Variants in TNFAIP8 observed in about 807,000 individuals in gnomAD.
TNFAIP8 encodes TNF alpha induced protein 8, also known as tumor necrosis factor alpha-induced protein 8.
Under a neutral mutation model 13.3 loss-of-function variants are expected in TNFAIP8, and 7 were observed. The ratio of observed to expected loss-of-function variants is 0.52; its 90% CI spans 0.30 to 0.99. The LOEUF (loss-of-function observed/expected upper bound fraction) is 0.99, where lower values mean the gene tolerates loss of function less well. Among genes scored for constraint, TNFAIP8 ranks in the 50% least tolerant of loss-of-function variants. TNFAIP8 has a pLI of 0.07. For synonymous variants in TNFAIP8, 94 were observed against 87.6 expected (o/e 1.07, Z -0.41); for missense variants, 258 against 236.9 (o/e 1.09, Z -0.58).
chr5:119,395,792 TC>T lies in TNFAIP8; in HGVS notation c.*2415del, dbSNP rs1481702225. 1 of 152,132 alleles carries T rather than the reference TC, an allele frequency of 6.6e-6. No homozygotes were observed. The highest frequency in any genetic ancestry group is 2.4e-5 in the African/African-American group (1 of 41,438). 9.4% of individuals were successfully genotyped at this position (152,132 alleles called of 1,614,324 possible). ...CAAGGAGCGTGGGAGCTGGGAAGAA[TC>T]CCCACGTGCTTAGGGTAGATAAATC... On this transcript the variant is annotated 3_prime_UTR_variant, in exon 2 of 2. Transcript: ENST00000504771.
At chr5:119,285,754 G>C (rs1380763419) in intron 1 of TNFAIP8, among the ~76,000 whole-genome samples, 1 of 152,126 alleles carries the variant, frequency 6.6e-6, no homozygotes, top group African/African-American at 2.4e-5. Flanking sequence ...TCTTAAGAAT[G>C]AACAAAACAA....
At chr5:119,360,465 C>A (rs1751589984) in intron 1 of TNFAIP8, among the ~76,000 whole-genome samples, 1 of 152,120 alleles carries the variant, frequency 6.6e-6, no homozygotes, top group African/African-American at 2.4e-5. Flanking sequence ...ATATGTATAT[C>A]TTTAATGTTT....
intron 1 of TNFAIP8, among the ~76,000 whole-genome samples, chr5:119,279,113 T>G (rs940120712): frequency 6.6e-6 from 1 of 152,230 alleles, no homozygotes; most frequent in African/African-American, 2.4e-5. Context: ...TTATTTAATT[T>G]CATCTTCAGG....
At chr5:119,371,444 C>T (rs1455803857) in intron 1 of TNFAIP8, among the ~76,000 whole-genome samples, 1 of 152,086 alleles carries the variant, frequency 6.6e-6, no homozygotes, top group African/African-American at 2.4e-5. Flanking sequence ...AAAGACCTTC[C>T]TTTTTGGCAT....
chr5:119,330,389 T>C (rs1750340453), intron 1 of TNFAIP8, among the ~76,000 whole-genome samples: 1 of 152,200 alleles, frequency 6.6e-6, no homozygotes, highest in Non-Finnish European at 1.5e-5. Context: ...TTTGATGATT[T>C]TGTTGAATGT....
chr5:119,385,795 G>C (rs1467244350), intron 1 of TNFAIP8, among the ~76,000 whole-genome samples: 1 of 152,168 alleles, frequency 6.6e-6, no homozygotes, highest in Non-Finnish European at 1.5e-5. Context: ...ATGTGATTCT[G>C]TACTAAAGAG....
At chr5:119,305,535 T>C (rs1749523914) in intron 1 of TNFAIP8, among the ~76,000 whole-genome samples, 2 of 135,532 alleles carry the variant, frequency 1.5e-5, no homozygotes, top group South Asian at 4.2e-4. Flanking sequence ...TTCAAGGCTG[T>C]AGTGCACTTG....
At position 119,333,478 on chromosome 5, in the gene TNFAIP8, T is replaced by A. The variant is rs550431348; in HGVS notation, c.2-59338T>A. The A allele has an allele frequency of 4.4e-4, 630 of 1,434,872 alleles. 5 individuals are homozygous for A. The highest frequency in any genetic ancestry group is 1.1e-4 in the Non-Finnish European group (116 of 1,094,250). 88.9% of individuals were successfully genotyped at this position (1,434,872 alleles called of 1,614,324 possible). On this transcript the variant is annotated intron_variant, in intron 1 of 1. Transcript: ENST00000274456. ...TAGTATAAATTATTTTGAATTATTC[T>A]TGAGAAGGACTGAGTCTCCCCGAGG...
chr5:119,360,800 C>T (rs57722161), intron 1 of TNFAIP8, among the ~76,000 whole-genome samples: 21,639 of 152,170 alleles, frequency 0.14, 2,687 homozygotes, highest in African/African-American at 0.35. Context: ...ATTTATAAAA[C>T]GCAGATGAAT....
chr5:119,336,082 A>T (rs1487494294), intron 1 of TNFAIP8, among the ~76,000 whole-genome samples: 1 of 152,054 alleles, frequency 6.6e-6, no homozygotes, highest in African/African-American at 2.4e-5. Flanking sequence ...AACAGTACAG[A>T]GGCTTAAGGG....
intron 1 of TNFAIP8, among the ~76,000 whole-genome samples, chr5:119,274,944 C>T (rs1437852800): frequency 6.6e-6 from 1 of 151,250 alleles, no homozygotes; most frequent in African/African-American, 2.5e-5. Context: ...ACTTATGTGA[C>T]TCATTTTCCT....
At chr5:119,299,245 CT>C (rs1349693360) in intron 1 of TNFAIP8, among the ~76,000 whole-genome samples, 4 of 148,276 alleles carry the variant, frequency 2.7e-5, no homozygotes, top group African/African-American at 5.0e-5. Context: ...GTTTTATCTA[CT>C]TTTGGTCTTT....
chr5:119,325,738 G>A (rs1394029067), intron 1 of TNFAIP8, among the ~76,000 whole-genome samples: 1 of 152,032 alleles, frequency 6.6e-6, no homozygotes, highest in Admixed American at 6.5e-5. Flanking sequence ...GTGAGCCACC[G>A]TGCCTGGCCT....
intron 1 of TNFAIP8, among the ~76,000 whole-genome samples, chr5:119,369,047 TTTCTTTTC>T (rs987796580): frequency 6.9e-6 from 1 of 145,880 alleles, no homozygotes. Context: ...TTTCTTTTCT[TTTCTTTTC>T]TTTTTTTTTT....
Position 119,308,887 on chromosome 5 carries a change from ATT to A in TNFAIP8, c.1+39981_1+39982del, listed in dbSNP as rs576833308. Among the ~76,000 whole-genome samples the A allele has an allele frequency of 1.5e-4, 23 of 151,152 alleles. 1 individual carries two copies. In the South Asian group the frequency reaches 4.6e-3, roughly 30 times the overall value. On this transcript the variant is annotated intron_variant, in intron 1 of 1. Transcript: ENST00000274456. ...AAAAAAAAAAAAAGACCATTCTGAT[ATT>A]GCACTGGAAGAGCATCTGAGCCAGC...
At chr5:119,343,954 C>T (rs1232975360) in intron 1 of TNFAIP8, among the ~76,000 whole-genome samples, 1 of 152,158 alleles carries the variant, frequency 6.6e-6, no homozygotes, top group Non-Finnish European at 1.5e-5. Context: ...TGAATGATTC[C>T]TTTTCAAACC....
intron 1 of TNFAIP8, among the ~76,000 whole-genome samples, chr5:119,370,722 T>G (rs1394284041): frequency 6.6e-6 from 1 of 152,184 alleles, no homozygotes; most frequent in Non-Finnish European, 1.5e-5. Flanking sequence ...CCCTAATGAT[T>G]TAAAAATATA....
At chr5:119,280,206 C>T (rs1398650961) in intron 1 of TNFAIP8, among the ~76,000 whole-genome samples, 1 of 152,082 alleles carries the variant, frequency 6.6e-6, no homozygotes, top group Non-Finnish European at 1.5e-5. Context: ...ATCCTGATCA[C>T]ATTTCCCTCT....
In TNFAIP8 at chr5:119,371,111, T is replaced by C. The variant is rs528505216; in HGVS notation, c.31+14990T>C. Among the ~76,000 whole-genome samples the C allele has an allele frequency of 5.3e-4, 81 of 152,340 alleles. No individual in the cohort carries two copies. In the Middle Eastern group the frequency reaches 0.01, roughly 19 times the overall value. ...CTAAATTTTGATGGGGTAGCATACA[T>C]GGTTTTATTTTATTCTGTAGATGTA... is the stretch of plus-strand genomic sequence containing the variant. On this transcript the variant is annotated intron_variant, in intron 1 of 1. Coordinates refer to ENST00000504771, the MANE Select transcript of TNFAIP8 (RefSeq NM_014350.4).
Sources: gnomAD v4.1 joint callset for allele counts (sites outside exome capture counted in the v4.1 genomes callset) on GRCh38, gnomAD v4.1.1 for gene constraint, MANE v1.5 for transcripts, NCBI Gene and HGNC (gene_info 2026-07-23, HGNC 2026-07-21) for gene names.